The following MGLL variants were observed in gnomAD, a reference collection of about 807,000 sequenced individuals.
The protein encoded by MGLL is monoglyceride lipase.
Under a neutral mutation model 29.1 loss-of-function variants are expected in MGLL, and 7 were observed. That is an observed-to-expected ratio of 0.24 (90% CI 0.14 to 0.45). MGLL has a LOEUF of 0.45. Ranked by LOEUF, MGLL falls within the 20% of genes least tolerant of loss-of-function variation. The pLI is 0.99. For missense variants in MGLL, 356 were observed against 413.6 expected (o/e 0.86, Z 1.21); for synonymous variants, 148 against 168.3 (o/e 0.88, Z 0.93).
intron 3 of MGLL, among the ~76,000 whole-genome samples, chr3:127,776,902 G>C (rs1018751944): frequency 2.0e-5 from 3 of 152,206 alleles, no homozygotes; most frequent in South Asian, 4.1e-4. Context: ...AAGGGTCTTG[G>C]GGGAGGGAGA....
intron 2 of MGLL, among the ~76,000 whole-genome samples, chr3:127,813,127 T>C (rs978814633): frequency 2.6e-5 from 4 of 152,198 alleles, no homozygotes; most frequent in African/African-American, 9.7e-5. Flanking sequence ...AGGCTGTATG[T>C]GGCCGCCTGT....
chr3:127,795,407 A>G, intron 2 of MGLL, among the ~76,000 whole-genome samples: 1 of 144,084 alleles, frequency 6.9e-6, no homozygotes, highest in African/African-American at 2.5e-5. Context: ...GGGGGAAGGG[A>G]GGGAGGGGGG....
At chr3:127,814,408 G>A (rs1437144931) in intron 2 of MGLL, among the ~76,000 whole-genome samples, 36 of 152,148 alleles carry the variant, frequency 2.4e-4, no homozygotes, top group Admixed American at 2.3e-3. Flanking sequence ...GGATGACCCT[G>A]CAATATGGGA....
chr3:127,723,228 G>C (rs975937736), intron 3 of MGLL, among the ~76,000 whole-genome samples: 2 of 152,138 alleles, frequency 1.3e-5, no homozygotes, highest in African/African-American at 2.4e-5. Flanking sequence ...CCTCTTTGAA[G>C]GACATCAGTC....
At chr3:127,760,548 G>A (rs192168080) in intron 3 of MGLL, among the ~76,000 whole-genome samples, 12 of 152,366 alleles carry the variant, frequency 7.9e-5, no homozygotes, top group Admixed American at 2.6e-4. Context: ...CAGGAGGCGA[G>A]GTGAGGAGCT....
chr3:127,727,571 G>A (rs899076514), intron 3 of MGLL, among the ~76,000 whole-genome samples: 4 of 151,892 alleles, frequency 2.6e-5, no homozygotes, highest in African/African-American at 7.3e-5. Context: ...AATTAGCCTA[G>A]CATGGTGGTG....
chr3:127,771,234 G>A (rs1349997664), intron 3 of MGLL, among the ~76,000 whole-genome samples: 2 of 152,182 alleles, frequency 1.3e-5, no homozygotes, highest in Admixed American at 6.5e-5. Context: ...ACCAACAGGA[G>A]CAGAGGCAGC....
chr3:127,710,726 G>T, intron 5 of MGLL, 61 bp from the exon 6 acceptor site: 2 of 1,368,944 alleles, frequency 1.5e-6, no homozygotes, highest in South Asian at 2.5e-5. Flanking sequence ...CGGCTCTTCC[G>T]CAGTGACAGT....
intron 2 of MGLL, among the ~76,000 whole-genome samples, chr3:127,792,625 C>T (rs896701530): frequency 1.3e-5 from 2 of 152,120 alleles, no homozygotes; most frequent in Admixed American, 6.5e-5. Context: ...ATCACTTGAA[C>T]CCGGGAGGCG....
chr3:127,726,172 GAAAGAAAGAAAGAAAAGAAAA>G (rs2076034748), intron 3 of MGLL, among the ~76,000 whole-genome samples: 1 of 37,156 alleles, frequency 2.7e-5, no homozygotes, highest in African/African-American at 1.0e-4. Context: ...AAGAAAGAAA[GAAAGAAAGAAAGAAAAGAAAA>G]GAAAGAAAGA....
chr3:127,815,780 G>A (rs938052760), intron 2 of MGLL, among the ~76,000 whole-genome samples: 3 of 152,246 alleles, frequency 2.0e-5, no homozygotes, highest in African/African-American at 7.2e-5. Context: ...CAAAGGCTCT[G>A]CGTGGCATAG....
intron 3 of MGLL, among the ~76,000 whole-genome samples, chr3:127,754,206 C>T (rs1053720083): frequency 2.0e-5 from 3 of 152,194 alleles, no homozygotes; most frequent in South Asian, 4.1e-4. Flanking sequence ...TCAGAGGTCA[C>T]GACCCGCCAG....
intron 2 of MGLL, among the ~76,000 whole-genome samples, chr3:127,782,844 A>T (rs1298250490): frequency 1.3e-5 from 2 of 152,180 alleles, no homozygotes; most frequent in Non-Finnish European, 2.9e-5. Context: ...CTAACTCTCC[A>T]GTCATCAGAT....
chr3:127,800,667 T>C (rs1229796297), intron 2 of MGLL, among the ~76,000 whole-genome samples: 1 of 152,244 alleles, frequency 6.6e-6, no homozygotes, highest in Non-Finnish European at 1.5e-5. Flanking sequence ...GTTGGTCCCC[T>C]GTGTGGTTAG....
At chr3:127,802,284 G>C (rs1457311841) in intron 2 of MGLL, among the ~76,000 whole-genome samples, 2 of 152,192 alleles carry the variant, frequency 1.3e-5, no homozygotes, top group African/African-American at 4.8e-5. Context: ...GTGCATACCT[G>C]TTTGCTGCTC....
chr3:127,803,856 C>T (rs1480906767), intron 2 of MGLL, among the ~76,000 whole-genome samples: 3 of 152,188 alleles, frequency 2.0e-5, no homozygotes, highest in African/African-American at 7.2e-5. Flanking sequence ...CACTCAGGTG[C>T]TGACCCATTT....
chr3:127,809,313 GA>G, intron 2 of MGLL, among the ~76,000 whole-genome samples: 1 of 152,216 alleles, frequency 6.6e-6, no homozygotes, highest in Non-Finnish European at 1.5e-5. Context: ...AGGAGAATGG[GA>G]GAGCCATGTC....
In MGLL at chr3:127,787,371, G is replaced by A. The variant is rs556087740; in HGVS notation, c.156-5476C>T. On this transcript the variant is annotated intron_variant, in intron 2 of 7. Transcript: ENST00000265052. The stretch of plus-strand genomic sequence containing the variant: ...AGTGGAGATGACAGTGCCTCCCTAG[G>A]AGGCTGCCAAGAGAATTAAACGGAC... Among the ~76,000 whole-genome samples the A allele has an allele frequency of 2.6e-4, 39 of 152,302 alleles. 1 individual carries two copies. Among genetic ancestry groups the A allele is most frequent in the Non-Finnish European group, 4.7e-4 (32 of 68,022 alleles).
intron 3 of MGLL, among the ~76,000 whole-genome samples, chr3:127,741,294 A>G (rs1034427941): frequency 1.3e-5 from 2 of 152,242 alleles, no homozygotes; most frequent in Non-Finnish European, 2.9e-5. Context: ...CCCCAGCTCC[A>G]GGCCATGCCC....
Sources: gnomAD v4.1 joint callset for allele counts (sites outside exome capture counted in the v4.1 genomes callset) on GRCh38, gnomAD v4.1.1 for gene constraint, MANE v1.5 for transcripts, NCBI Gene and HGNC (gene_info 2026-07-23, HGNC 2026-07-21) for gene names.